The following NR3C1 variants were observed in gnomAD, a reference collection of about 807,000 sequenced individuals.
The protein encoded by NR3C1 is nuclear receptor subfamily 3 group C member 1.
In NR3C1, 14 loss-of-function variants were observed where a neutral mutation model predicts 74.0. The observed-to-expected ratio is 0.19, with a 90% CI of 0.12 to 0.30. The LOEUF is 0.30. Ranked by LOEUF, NR3C1 falls within the 10% of genes least tolerant of loss-of-function variation. The pLI, the probability that NR3C1 is intolerant of heterozygous loss-of-function variation, is 1.00. For missense variants in NR3C1, 695 were observed against 909.8 expected, an observed-to-expected ratio of 0.76 and a Z score of 3.04; for synonymous variants, 308 against 332.5, an observed-to-expected ratio of 0.93 and a Z score of 0.80.
chr5:143,320,353 AG>A (rs1823095085), intron 2 of NR3C1, among the ~76,000 whole-genome samples: 1 of 152,214 alleles, frequency 6.6e-6, no homozygotes, highest in African/African-American at 2.4e-5. Context: ...TTTCAACTTT[AG>A]GTTCTTATTA....
At chr5:143,325,510 G>T (rs760745573) in intron 2 of NR3C1, among the ~76,000 whole-genome samples, 2 of 152,186 alleles carry the variant, frequency 1.3e-5, no homozygotes, top group Non-Finnish European at 2.9e-5. Context: ...TTACCAGTTG[G>T]ACTGCCACAG....
chr5:143,377,747 C>A (rs865873654), intron 2 of NR3C1, among the ~76,000 whole-genome samples: 1 of 152,198 alleles, frequency 6.6e-6, no homozygotes, highest in African/African-American at 2.4e-5. Context: ...ACACTGAACT[C>A]GACCTGCCTC....
chr5:143,333,318 T>C, intron 2 of NR3C1: 4 of 691,652 alleles, frequency 5.8e-6, no homozygotes, highest in East Asian at 2.7e-5. Flanking sequence ...CAAGTTCTTT[T>C]TGCATTTACT....
chr5:143,316,377 A>G (rs1822079953), intron 2 of NR3C1, among the ~76,000 whole-genome samples: 1 of 152,222 alleles, frequency 6.6e-6, no homozygotes, highest in African/African-American at 2.4e-5. Context: ...GCATTGTTTA[A>G]AGGTTAGGAC....
In NR3C1 at chr5:143,323,757, C is replaced by T. The variant is rs114331937; in HGVS notation, c.1185-9589G>A. Among the ~76,000 whole-genome samples, 636 of 152,162 alleles carry T rather than the reference C, an allele frequency of 4.2e-3. 2 individuals are homozygous for T. Among genetic ancestry groups the T allele is most frequent in the African/African-American group, 0.015 (610 of 41,490 alleles). On this transcript the variant is annotated intron_variant, in intron 2 of 8. Coordinates refer to ENST00000394464, the MANE Select transcript of NR3C1 (RefSeq NM_000176.3). ...AAAATCAAAAGCAAGCTAGTTACTT[C>T]CAGATACAAGGGCCGGAGGGATGGG...
intron 2 of NR3C1, among the ~76,000 whole-genome samples, chr5:143,367,468 T>C (rs567601353): frequency 6.6e-6 from 1 of 152,132 alleles, no homozygotes; most frequent in Non-Finnish European, 1.5e-5. Context: ...AGTAAAATTA[T>C]CTCTAATTGC....
At chr5:143,359,078 G>T (rs1386829213) in intron 2 of NR3C1, among the ~76,000 whole-genome samples, 1 of 152,116 alleles carries the variant, frequency 6.6e-6, no homozygotes, top group African/African-American at 2.4e-5. Flanking sequence ...TGAAATGGAA[G>T]TTATAAACAA....
chr5:143,314,220 A>G (rs755940984), intron 2 of NR3C1, 52 bp from the exon 3 acceptor site: 49 of 1,583,454 alleles, frequency 3.1e-5, no homozygotes, highest in Non-Finnish European at 4.1e-5. Flanking sequence ...GGAATATCAA[A>G]ATACAGTTCT....
At chr5:143,311,687 C>T (rs964330415) in intron 3 of NR3C1, among the ~76,000 whole-genome samples, 1 of 151,928 alleles carries the variant, frequency 6.6e-6, no homozygotes, top group African/African-American at 2.4e-5. Context: ...TGCTACGTTG[C>T]CTAGGCTGGA....
At chr5:143,364,511 A>G (rs1047669022) in intron 2 of NR3C1, among the ~76,000 whole-genome samples, 2 of 152,220 alleles carry the variant, frequency 1.3e-5, no homozygotes, top group African/African-American at 4.8e-5. Flanking sequence ...TCTTTTGTTT[A>G]TATCTCCTTT....
intron 4 of NR3C1, among the ~76,000 whole-genome samples, chr5:143,304,246 A>G (rs1490199992): frequency 6.6e-6 from 1 of 152,212 alleles, no homozygotes; most frequent in Non-Finnish European, 1.5e-5. Flanking sequence ...TACAAAAATC[A>G]GTAGCATTTC....
At chr5:143,360,618 A>C (rs1832048729) in intron 2 of NR3C1, among the ~76,000 whole-genome samples, 1 of 152,226 alleles carries the variant, frequency 6.6e-6, no homozygotes, top group Non-Finnish European at 1.5e-5. Flanking sequence ...CAAGGGAACA[A>C]TTTCAACATG....
At chr5:143,396,292 A>C (rs776853126) in intron 2 of NR3C1, among the ~76,000 whole-genome samples, 7 of 151,974 alleles carry the variant, frequency 4.6e-5, no homozygotes, top group Non-Finnish European at 1.0e-4. Context: ...TTCTCATCAT[A>C]AAGCTAAAAA....
intron 1 of NR3C1, among the ~76,000 whole-genome samples, chr5:143,420,644 G>C (rs1378866805): frequency 1.3e-5 from 2 of 152,096 alleles, no homozygotes; most frequent in Admixed American, 1.3e-4. Context: ...GAATCTTATT[G>C]GCATCTAGTG....
chr5:143,349,171 T>A (rs533256407), intron 2 of NR3C1, among the ~76,000 whole-genome samples: 1 of 152,296 alleles, frequency 6.6e-6, no homozygotes, highest in Admixed American at 6.5e-5. Context: ...ATATTCTTTC[T>A]TAGTTGCTTT....
chr5:143,324,340 C>G (rs1193741892), intron 2 of NR3C1, among the ~76,000 whole-genome samples: 1 of 152,242 alleles, frequency 6.6e-6, no homozygotes, highest in Non-Finnish European at 1.5e-5. Context: ...TACCCACAGG[C>G]TCAGCACCAT....
At chr5:143,391,819 T>C (rs1296641636) in intron 2 of NR3C1, among the ~76,000 whole-genome samples, 1 of 152,188 alleles carries the variant, frequency 6.6e-6, no homozygotes. Context: ...TAAAAGATTC[T>C]TGATTATAGG....
chr5:143,311,791 T>C (rs575856430), intron 3 of NR3C1, among the ~76,000 whole-genome samples: 1 of 148,178 alleles, frequency 6.7e-6, no homozygotes, highest in Non-Finnish European at 1.5e-5. Context: ...GGATAACGTT[T>C]TTTTTTTTTT....
At chr5:143,402,564 GA>G (rs748289707) in intron 1 of NR3C1, 3 of 983,170 alleles carry the variant, frequency 3.1e-6, no homozygotes, top group Non-Finnish European at 3.6e-6. Context: ...GTGGAGAAGA[GA>G]AAAAAGTGCG....
Sources: gnomAD v4.1 joint callset for allele counts (sites outside exome capture counted in the v4.1 genomes callset) on GRCh38, gnomAD v4.1.1 for gene constraint, MANE v1.5 for transcripts, NCBI Gene and HGNC (gene_info 2026-07-23, HGNC 2026-07-21) for gene names.